Variants in LRRC4C observed in about 807,000 individuals in gnomAD.
LRRC4C encodes leucine rich repeat containing 4C.
In LRRC4C, 5 loss-of-function variants were observed where a neutral mutation model predicts 33.6. The ratio of observed to expected loss-of-function variants is 0.15; its 90% CI spans 0.08 to 0.31. The LOEUF (loss-of-function observed/expected upper bound fraction) is 0.31, where lower values mean the gene tolerates loss of function less well. Among genes scored for constraint, LRRC4C ranks in the 10% least tolerant of loss-of-function variants. The pLI, the probability that LRRC4C is intolerant of heterozygous loss-of-function variation, is 1.00. For synonymous variants in LRRC4C, 329 were observed against 302.0 expected (o/e 1.09, Z -0.93); for missense variants, 560 against 796.7 (o/e 0.70, Z 3.58).
intron 3 of LRRC4C, among the ~76,000 whole-genome samples, chr11:40,635,176 C>T (rs1801725937): frequency 6.6e-6 from 1 of 152,158 alleles, no homozygotes; most frequent in Non-Finnish European, 1.5e-5. Context: ...ATTTACCAGC[C>T]CTTTCTTATG....
At chr11:41,004,813 G>A (rs1029942845) in intron 1 of LRRC4C, among the ~76,000 whole-genome samples, 7 of 152,174 alleles carry the variant, frequency 4.6e-5, no homozygotes, top group South Asian at 2.1e-4. Context: ...AGAATTAAAT[G>A]TATGAATTTT....
At chr11:41,424,902 A>G (rs546156958) in intron 1 of LRRC4C, among the ~76,000 whole-genome samples, 1 of 152,204 alleles carries the variant, frequency 6.6e-6, no homozygotes, top group South Asian at 2.1e-4. Context: ...ATCTAAAACC[A>G]GTAAATGATG....
chr11:40,361,701 A>G (rs1250448205), intron 3 of LRRC4C, among the ~76,000 whole-genome samples: 1 of 152,356 alleles, frequency 6.6e-6, no homozygotes, highest in Admixed American at 6.5e-5. Flanking sequence ...CATCAATGCT[A>G]TTAAACTACC....
chr11:40,502,079 C>T (rs1037068549), intron 3 of LRRC4C, among the ~76,000 whole-genome samples: 5 of 152,170 alleles, frequency 3.3e-5, no homozygotes, highest in African/African-American at 1.2e-4. Flanking sequence ...AGTCTCCTTG[C>T]TACAACATAA....
intron 3 of LRRC4C, among the ~76,000 whole-genome samples, chr11:40,543,009 A>C (rs1480628555): frequency 6.6e-6 from 1 of 152,026 alleles, no homozygotes; most frequent in Non-Finnish European, 1.5e-5. Context: ...ATAGCTTCTT[A>C]AGTTATGTGC....
intron 3 of LRRC4C, among the ~76,000 whole-genome samples, chr11:40,365,876 T>C (rs1948185673): frequency 6.6e-6 from 1 of 152,040 alleles, no homozygotes. Flanking sequence ...ATACATACTA[T>C]TGATATATTT....
chr11:40,478,186 G>A (rs959642377), intron 3 of LRRC4C, among the ~76,000 whole-genome samples: 6 of 152,154 alleles, frequency 3.9e-5, no homozygotes, highest in African/African-American at 1.2e-4. Context: ...TACACTGTGA[G>A]ACTGAGAAAA....
chr11:41,322,399 C>G (rs1950984774), intron 1 of LRRC4C, among the ~76,000 whole-genome samples: 1 of 151,624 alleles, frequency 6.6e-6, no homozygotes, highest in Non-Finnish European at 1.5e-5. Flanking sequence ...TTTCTCAACC[C>G]AGTTGTCCTT....
rs570834976 is a variant in LRRC4C, at chr11:41,065,652, C to T, written c.-495-131929G>A. On this transcript the variant is annotated intron_variant, in intron 1 of 6. Coordinates refer to ENST00000528697, the MANE Select transcript of LRRC4C (RefSeq NM_001258419.2). ...TCCCAACAGGGGTCTACGGACAGCTCATACAGGAGAGCTTTGGCTGGCAAC... is the reference window on the plus strand; with the variant it reads ...TCCCAACAGGGGTCTACGGACAGCTTATACAGGAGAGCTTTGGCTGGCAAC... Among the ~76,000 whole-genome samples the T allele has an allele frequency of 7.2e-5, 11 of 152,278 alleles. No homozygotes were observed. The East Asian group carries it at 2.1e-3, about 30-fold the overall frequency.
At chr11:41,340,192 C>A (rs980154235) in intron 1 of LRRC4C, among the ~76,000 whole-genome samples, 8 of 152,084 alleles carry the variant, frequency 5.3e-5, no homozygotes, top group Admixed American at 4.6e-4. Flanking sequence ...TTTCCCAACC[C>A]TATAAAAATA....
At chr11:40,977,510 G>T (rs1565263162) in intron 1 of LRRC4C, among the ~76,000 whole-genome samples, 1 of 151,906 alleles carries the variant, frequency 6.6e-6, no homozygotes, top group Non-Finnish European at 1.5e-5. Flanking sequence ...AAGTCTCTGT[G>T]ACTTAAGACT....
At chr11:40,961,720 G>A (rs969431399) in intron 1 of LRRC4C, among the ~76,000 whole-genome samples, 1 of 151,524 alleles carries the variant, frequency 6.6e-6, no homozygotes, top group African/African-American at 2.4e-5. Flanking sequence ...ATGAGTGGGG[G>A]AAATTTCTGT....
chr11:40,570,399 G>A (rs2135560390), intron 3 of LRRC4C, among the ~76,000 whole-genome samples: 1 of 152,090 alleles, frequency 6.6e-6, no homozygotes, highest in East Asian at 1.9e-4. Context: ...AACTGTCATT[G>A]TGCTGGGCAA....
chr11:40,660,607 T>C (rs528802530), intron 2 of LRRC4C, among the ~76,000 whole-genome samples: 1 of 152,198 alleles, frequency 6.6e-6, no homozygotes, highest in Non-Finnish European at 1.5e-5. Context: ...GCTGAATATG[T>C]CACAGAGCAA....
At chr11:40,355,231 C>T (rs1439604826) in intron 3 of LRRC4C, among the ~76,000 whole-genome samples, 1 of 152,154 alleles carries the variant, frequency 6.6e-6, no homozygotes, top group Non-Finnish European at 1.5e-5. Flanking sequence ...CTCACCTCTC[C>T]TCATGCAAAA....
intron 3 of LRRC4C, among the ~76,000 whole-genome samples, chr11:40,477,696 T>G (rs973530302): frequency 1.3e-4 from 20 of 152,156 alleles, no homozygotes. Flanking sequence ...ATCTAACAAT[T>G]TCATCCTTGT....
At chr11:41,010,677 A>G (rs1325403101) in intron 1 of LRRC4C, among the ~76,000 whole-genome samples, 2 of 152,188 alleles carry the variant, frequency 1.3e-5, no homozygotes, top group South Asian at 2.1e-4. Flanking sequence ...AAGTGAAATC[A>G]TATTTTTGAG....
At chr11:40,491,508 A>G (rs1207197126) in intron 3 of LRRC4C, among the ~76,000 whole-genome samples, 1 of 152,054 alleles carries the variant, frequency 6.6e-6, no homozygotes, top group African/African-American at 2.4e-5. Context: ...TTCTCTTTCA[A>G]TTTCACCATC....
rs190369871 is a variant in LRRC4C at position 40,335,156 on chromosome 11, G to A, written c.-269-15435C>T. ...TCTCATAATTGCTCTTATTTCCTGT[G>A]TTACATTTTTTTAGGTGCAGAAACC... On this transcript the variant is annotated intron_variant, in intron 3 of 6. Transcript: ENST00000528697. 2.5e-3 allele frequency among the ~76,000 whole-genome samples: 385 copies of A among 152,106 alleles called. 2 individuals carry two copies. Among genetic ancestry groups the A allele is most frequent in the African/African-American group, 8.9e-3 (369 of 41,488 alleles).
Sources: gnomAD v4.1 joint callset for allele counts (sites outside exome capture counted in the v4.1 genomes callset) on GRCh38, gnomAD v4.1.1 for gene constraint, MANE v1.5 for transcripts, NCBI Gene and HGNC (gene_info 2026-07-23, HGNC 2026-07-21) for gene names.